Variants in PDE8A observed in about 807,000 individuals in gnomAD.
The protein encoded by PDE8A is high affinity cAMP-specific and IBMX-insensitive 3',5'-cyclic phosphodiesterase 8A.
Under a neutral mutation model 105.0 loss-of-function variants are expected in PDE8A, and 59 were observed. That is an observed-to-expected ratio of 0.56 (90% confidence interval 0.46 to 0.70). PDE8A has a LOEUF of 0.70. Ranked by LOEUF, PDE8A falls within the 30% of genes least tolerant of loss-of-function variation. The pLI is 0.00. For synonymous variants in PDE8A, 355 were observed against 371.9 expected, an observed-to-expected ratio of 0.95 and a Z score of 0.52; for missense variants, 1,014 against 1,045.9, an observed-to-expected ratio of 0.97 and a Z score of 0.42.
At chr15:85,032,328 T>A (rs1470159510) in intron 1 of PDE8A, among the ~76,000 whole-genome samples, 1 of 152,198 alleles carries the variant, frequency 6.6e-6, no homozygotes, top group Non-Finnish European at 1.5e-5. Context: ...CCATCCATGG[T>A]ATAAGAGTTG....
intron 6 of PDE8A, among the ~76,000 whole-genome samples, chr15:85,086,020 A>T (rs1019356566): frequency 3.5e-5 from 4 of 113,408 alleles, no homozygotes; most frequent in Non-Finnish European, 4.9e-5. Context: ...CTCAAAAAGT[A>T]AAAAAAAAAA....
chr15:85,055,110 A>G (rs2081039515), intron 1 of PDE8A, among the ~76,000 whole-genome samples: 2 of 152,066 alleles, frequency 1.3e-5, no homozygotes, highest in African/African-American at 4.8e-5. Flanking sequence ...GTTTCCATGT[A>G]GTTGGGTGGT....
At position 84,982,263 on chromosome 15, in the gene PDE8A, C is replaced by G. The variant is rs1231464145; in HGVS notation, c.101C>G (p.Pro34Arg). The part of the protein sequence containing the change: ...PPLSSGGPRL[P>R]QGQKTAALPR... ...CTGTCGTCCGGCGGGCCGCGCCTCCCGCAGGGCCAGAAGACGGCCGCCTTG... is the reference window on the plus strand; with the variant it reads ...CTGTCGTCCGGCGGGCCGCGCCTCCGGCAGGGCCAGAAGACGGCCGCCTTG... The change falls in exon 1 of 22, where the codon CCG becomes CGG. Residue 34 changes from proline to arginine, a missense_variant. Pro to Arg is a moderately radical substitution (Grantham distance 103, BLOSUM62 -2). Transcript: ENST00000394553. 10 of 1,452,434 alleles carry G rather than the reference C, an allele frequency of 6.9e-6. No individual in the cohort carries two copies. Among genetic ancestry groups the G allele is most frequent in the Non-Finnish European group, 9.0e-7 (1 of 1,110,712 alleles). 90.0% of individuals were successfully genotyped at this position (1,452,434 alleles called of 1,614,324 possible).
chr15:84,984,664 C>T (rs891134834), intron 1 of PDE8A, among the ~76,000 whole-genome samples: 3 of 152,028 alleles, frequency 2.0e-5, no homozygotes, highest in African/African-American at 4.8e-5. Context: ...ATGTACTTTG[C>T]GTTAAAGTGT....
chr15:85,043,319 C>A (rs944974380), intron 1 of PDE8A, among the ~76,000 whole-genome samples: 1 of 152,062 alleles, frequency 6.6e-6, no homozygotes, highest in Admixed American at 6.5e-5. Flanking sequence ...GCCTGTAGAC[C>A]CCCCTTTTCA....
intron 1 of PDE8A, among the ~76,000 whole-genome samples, chr15:85,058,833 C>A (rs2081102033): frequency 6.6e-6 from 1 of 152,018 alleles, no homozygotes. Context: ...TTTTGTTGAT[C>A]ATTTCAAAGA....
chr15:85,080,147 T>C (rs1237144957), intron 5 of PDE8A, among the ~76,000 whole-genome samples: 1 of 152,222 alleles, frequency 6.6e-6, no homozygotes, highest in Non-Finnish European at 1.5e-5. Flanking sequence ...TTTAAGATTT[T>C]AGTTTATATG....
At chr15:85,025,403 T>A (rs2080498841) in intron 1 of PDE8A, among the ~76,000 whole-genome samples, 1 of 151,294 alleles carries the variant, frequency 6.6e-6, no homozygotes, top group Non-Finnish European at 1.5e-5. Context: ...GTCCTATTCA[T>A]GAATTTCCTG....
At chr15:85,114,263 G>A (rs117698194) in intron 14 of PDE8A, among the ~76,000 whole-genome samples, 2,223 of 152,320 alleles carry the variant, frequency 0.015, 30 homozygotes, top group Non-Finnish European at 0.024. Context: ...AGGGAGGAAT[G>A]TAATCCTGAC....
Position 85,115,985 on chromosome 15 carries a change from C to A in PDE8A, c.1401C>A (p.Asn467Lys). Residue 467 changes from asparagine (N) to lysine (K), a missense_variant and splice_region_variant, in exon 16 of 22, where the codon AAC becomes AAA. By Grantham distance (94) the Asn-to-Lys change is moderately conservative. Transcript: ENST00000394553. ...SGNEYVLSTK[N>K]TQMVSSNIIT... ...TCTCCAAATTACATCACTTTACAGA[C>A]ACTCAAATGGTTTCAAGCAATATAA... The A allele has an allele frequency of 6.2e-7, 1 of 1,610,538 alleles. No individual in the cohort carries two copies. Among genetic ancestry groups the A allele is most frequent in the Non-Finnish European group, 8.5e-7 (1 of 1,177,118 alleles).
At chr15:85,009,727 A>G (rs977009075) in intron 1 of PDE8A, among the ~76,000 whole-genome samples, 27 of 152,244 alleles carry the variant, frequency 1.8e-4, no homozygotes, top group African/African-American at 5.3e-4. Flanking sequence ...ACTGTTGGCA[A>G]TATTTACTGA....
At chr15:85,026,146 A>G (rs2080512562) in intron 1 of PDE8A, among the ~76,000 whole-genome samples, 1 of 152,256 alleles carries the variant, frequency 6.6e-6, no homozygotes, top group Admixed American at 6.5e-5. Context: ...TTCCAGTTAA[A>G]TTGCTGTGAA....
At chr15:85,022,404 G>A (rs2080441375) in intron 1 of PDE8A, among the ~76,000 whole-genome samples, 1 of 149,030 alleles carries the variant, frequency 6.7e-6, no homozygotes, top group Non-Finnish European at 1.5e-5. Context: ...CACCCAGGCA[G>A]CTTTGTCTGG....
At chr15:85,049,116 A>G (rs1027456140) in intron 1 of PDE8A, among the ~76,000 whole-genome samples, 6 of 152,196 alleles carry the variant, frequency 3.9e-5, no homozygotes, top group Non-Finnish European at 7.3e-5. Flanking sequence ...AATAAAAAAT[A>G]AAATAAAAAA....
At chr15:85,052,736 T>C (rs1225233122) in intron 1 of PDE8A, among the ~76,000 whole-genome samples, 3 of 152,216 alleles carry the variant, frequency 2.0e-5, no homozygotes, top group Admixed American at 6.5e-5. Context: ...CTTTGTCAGA[T>C]GGGTAGATTG....
At chr15:85,132,718 A>G (rs1197683405) in intron 20 of PDE8A, among the ~76,000 whole-genome samples, 2 of 152,100 alleles carry the variant, frequency 1.3e-5, no homozygotes, top group East Asian at 3.9e-4. Context: ...CAGCTTCCCA[A>G]AATGCTAGGA....
chr15:85,011,926 A>G lies in PDE8A; in HGVS notation c.186+29578A>G, dbSNP rs141488207. Among the ~76,000 whole-genome samples, 899 of 152,368 alleles carry G rather than the reference A, an allele frequency of 5.9e-3. 15 individuals are homozygous for G. The highest frequency in any genetic ancestry group is 0.021 in the African/African-American group (853 of 41,582). On this transcript the variant is annotated intron_variant, in intron 1 of 21. Coordinates refer to ENST00000394553, the MANE Select transcript of PDE8A (RefSeq NM_002605.3). ...ACTTCTCAAATTAAGACATTTATGC[A>G]GCCAAAAAACACATGAAAAAATGCT...
intron 1 of PDE8A, among the ~76,000 whole-genome samples, chr15:85,030,423 C>A (rs1402262960): frequency 2.6e-5 from 4 of 152,058 alleles, no homozygotes; most frequent in Non-Finnish European, 5.9e-5. Flanking sequence ...TCACTCACTT[C>A]CAGTGCTAAG....
intron 11 of PDE8A, among the ~76,000 whole-genome samples, chr15:85,106,287 T>A (rs1332931249): frequency 6.6e-6 from 1 of 151,990 alleles, no homozygotes; most frequent in Admixed American, 6.6e-5. Context: ...CCCACTCCCT[T>A]GAGAATCTGC....
Sources: allele counts gnomAD v4.1 joint callset (sites outside exome capture counted in the v4.1 genomes callset), GRCh38; gene constraint gnomAD v4.1.1; transcripts MANE v1.5; gene names NCBI Gene and HGNC (gene_info 2026-07-23, HGNC 2026-07-21).